IQGAP3: variants seen among roughly 807,000 people sequenced by gnomAD.
The protein encoded by IQGAP3 is IQ motif containing GTPase activating protein 3.
IQGAP3 carries 165 observed loss-of-function variants against 208.2 expected under a neutral mutation model. That is an observed-to-expected ratio of 0.79 (90% confidence interval 0.70 to 0.90). The LOEUF (loss-of-function observed/expected upper bound fraction) is 0.90, where lower values mean the gene tolerates loss of function less well. IQGAP3 is among the 40% of genes least tolerant of loss of function. IQGAP3 has a pLI of 0.00. For missense variants in IQGAP3, 1,811 were observed against 2,043.1 expected (o/e 0.89, Z 2.19); for synonymous variants, 703 against 803.6 (o/e 0.87, Z 2.12).
chr1:156,535,035 G>A (rs1674625153), intron 28 of IQGAP3, 128 bp downstream of exon 28: 2 of 776,250 alleles, frequency 2.6e-6, no homozygotes, highest in Admixed American at 3.9e-5. Context: ...TTTATAGGGG[G>A]CAGCATATTT....
intron 19 of IQGAP3, 140 bp downstream of exon 19, chr1:156,547,933 G>A: frequency 1.3e-6 from 1 of 755,448 alleles, no homozygotes; most frequent in South Asian, 2.0e-5. Flanking sequence ...ACATGGTCTG[G>A]CTCCAGAACC....
chr1:156,543,396 C>T (rs1675080044), intron 22 of IQGAP3, among the ~76,000 whole-genome samples: 1 of 152,200 alleles, frequency 6.6e-6, no homozygotes, highest in South Asian at 2.1e-4. Flanking sequence ...GGGCCTACTG[C>T]TTCAGGAACC....
chr1:156,552,230 G>A (rs977812042), intron 13 of IQGAP3, 135 bp from the exon 14 acceptor site: 6 of 1,115,654 alleles, frequency 5.4e-6, no homozygotes, highest in Non-Finnish European at 7.5e-6. Flanking sequence ...TTGCCTCACA[G>A]GCTATTCTTT....
intron 8 of IQGAP3, 36 bp from the exon 9 acceptor site, chr1:156,562,701 C>T (rs751484137): frequency 6.6e-7 from 1 of 1,523,370 alleles, no homozygotes; most frequent in South Asian, 1.1e-5. Flanking sequence ...CCTGGGAAAC[C>T]CAATTTAATC....
At chr1:156,552,882 T>C (rs1379046501) in intron 13 of IQGAP3, among the ~76,000 whole-genome samples, 1 of 152,220 alleles carries the variant, frequency 6.6e-6, no homozygotes, top group Non-Finnish European at 1.5e-5. Flanking sequence ...AAGACCAGCC[T>C]GGGCAACGTA....
In IQGAP3 at chr1:156,562,577, G is replaced by A; in HGVS notation, c.877+10C>T. On this transcript the variant is annotated intron_variant, in intron 9 of 37. Coordinates refer to ENST00000361170, the MANE Select transcript of IQGAP3 (RefSeq NM_178229.5). ...TCACCCCCAAACCACTCCTGCTCGA[G>A]GTCTCTTACCGTTGACATGGTTGAT... 1 of 1,611,996 alleles carries A rather than the reference G, an allele frequency of 6.2e-7. No homozygotes were observed. Among genetic ancestry groups the A allele is most frequent in the Non-Finnish European group, 8.5e-7 (1 of 1,178,078 alleles).
At chr1:156,566,572 C>G (rs373864766) in intron 2 of IQGAP3, 26 bp from the exon 3 acceptor site, 2 of 1,610,032 alleles carry the variant, frequency 1.2e-6, no homozygotes, top group South Asian at 2.2e-5. Context: ...CACCTTCTCA[C>G]GCACTCTGGC....
At chr1:156,545,550 A>G (rs1323745821) in intron 19 of IQGAP3, among the ~76,000 whole-genome samples, 1 of 144,314 alleles carries the variant, frequency 6.9e-6, no homozygotes, top group African/African-American at 2.7e-5. Flanking sequence ...CCCAGGTTGG[A>G]GTGCAGTGGT....
At chr1:156,553,278 G>C (rs1162359692) in intron 13 of IQGAP3, among the ~76,000 whole-genome samples, 1 of 152,108 alleles carries the variant, frequency 6.6e-6, no homozygotes, top group Non-Finnish European at 1.5e-5. Flanking sequence ...AGTCCTACGT[G>C]GTCTGGCCTC....
Position 156,548,759 on chromosome 1 carries a change from C to T in IQGAP3, c.1826-11G>A. The T allele has an allele frequency of 6.4e-7, 1 of 1,554,818 alleles. No individual in the cohort carries two copies. The highest frequency in any genetic ancestry group is 8.7e-7 in the Non-Finnish European group (1 of 1,149,448). On this transcript the variant is annotated splice_polypyrimidine_tract_variant and intron_variant, in intron 16 of 37. Coordinates refer to ENST00000361170, the MANE Select transcript of IQGAP3 (RefSeq NM_178229.5). ...CCACACCAAGAGCCACTGACAGGGG[C>T]ATCAGGAGAGAGCAGTCAATCCTTC...
chr1:156,566,329 C>T, intron 3 of IQGAP3, 61 bp downstream of exon 3: 2 of 1,534,644 alleles, frequency 1.3e-6, no homozygotes, highest in Non-Finnish European at 1.8e-6. Flanking sequence ...ACCCTCACAG[C>T]TTTGAGGAGA....
At chr1:156,568,633 C>T (rs1376388822) in intron 2 of IQGAP3, among the ~76,000 whole-genome samples, 1 of 152,226 alleles carries the variant, frequency 6.6e-6, no homozygotes, top group African/African-American at 2.4e-5. Context: ...AGCAATCCTC[C>T]TTCCTCAGCC....
At chr1:156,569,065 CA>C (rs1181413258) in intron 2 of IQGAP3, among the ~76,000 whole-genome samples, 1 of 151,614 alleles carries the variant, frequency 6.6e-6, no homozygotes, top group African/African-American at 2.4e-5. Context: ...TTAAGACAAG[CA>C]GGAAAATTTG....
chr1:156,534,083 C>T lies in IQGAP3; in HGVS notation c.3799G>A (p.Glu1267Lys), dbSNP rs763670878. 95 of 1,613,944 alleles carry T rather than the reference C, an allele frequency of 5.9e-5. No individual in the cohort carries two copies. The highest frequency in any genetic ancestry group is 7.6e-5 in the Non-Finnish European group (90 of 1,180,034). ...PEPEERFAVD[E>K]YSDMVAVAKP... Reference sequence around the variant, plus strand: ...GCCACAGCCACCATGTCTGAGTACTCGTCCACTGCAAAACGCTCCTCTGGC... The same window carrying T: ...GCCACAGCCACCATGTCTGAGTACTTGTCCACTGCAAAACGCTCCTCTGGC... Residue 1267 changes from glutamate to lysine, a missense_variant, in exon 30 of 38, where the codon GAG (glutamate) becomes AAG (lysine). Physicochemically the swap from Glu to Lys is moderately conservative, Grantham distance 56. Transcript: ENST00000361170.
rs1406024745 is a variant in IQGAP3, at chr1:156,551,983, C to T, written c.1561G>A (p.Glu521Lys). 7 of 1,613,906 alleles carry T rather than the reference C, an allele frequency of 4.3e-6. No individual in the cohort carries two copies. Among genetic ancestry groups the T allele is most frequent in the Non-Finnish European group, 5.9e-6 (7 of 1,179,942 alleles). ...TCCAGACTATACTTACGGTCAGTCT[C>T]TTCCTGGGTCTGTGCATTGACCTGG... is the stretch of plus-strand genomic sequence containing the variant. The part of the protein sequence containing the change: ...VSQVNAQTQE[E>K]TDRVLAVSLI... The change falls in exon 14 of 38, where the codon GAG becomes AAG. Residue 521 changes from glutamate (E) to lysine (K), a missense_variant. By Grantham distance (56) the Glu-to-Lys change is moderately conservative (BLOSUM62 1). Coordinates refer to ENST00000361170, the MANE Select transcript of IQGAP3 (RefSeq NM_178229.5).
intron 23 of IQGAP3, 60 bp from the exon 24 acceptor site, chr1:156,540,050 T>C: frequency 6.3e-7 from 1 of 1,595,024 alleles, no homozygotes; most frequent in Non-Finnish European, 8.6e-7. Flanking sequence ...GCACAGAACA[T>C]ACGGTCTAGA....
chr1:156,572,246 T>G (rs1676679114), intron 1 of IQGAP3, among the ~76,000 whole-genome samples: 1 of 152,232 alleles, frequency 6.6e-6, no homozygotes. Flanking sequence ...CCCCAGAACT[T>G]GGAAATAGGA....
Position 156,552,014 on chromosome 1 carries a change from G to C in IQGAP3, c.1530C>G (p.Thr510=). 1 of 1,614,150 alleles carries C rather than the reference G, an allele frequency of 6.2e-7. No individual in the cohort carries two copies. Among genetic ancestry groups the C allele is most frequent in the Non-Finnish European group, 8.5e-7 (1 of 1,180,024 alleles). The change falls in exon 14 of 38, where the codon ACC becomes ACG. Residue 510 remains threonine (T), a synonymous_variant. Transcript: ENST00000361170. The part of the protein sequence containing the change: ...DFLSWNDLQA[T]VSQVNAQTQE... ...GGGTCTGTGCATTGACCTGGCTCAC[G>C]GTGGCCTGCAGGTCATTCCAGCTCA... is the stretch of plus-strand genomic sequence containing the variant.
At position 156,544,422 on chromosome 1, in the gene IQGAP3, C is replaced by T. The variant is rs751258082; in HGVS notation, c.2355G>A (p.Gln785=). The T allele has an allele frequency of 1.9e-6, 3 of 1,614,144 alleles. No individual in the cohort carries two copies. Among genetic ancestry groups the T allele is most frequent in the South Asian group, 2.2e-5 (2 of 91,088 alleles). Residue 785 remains glutamine (Q), a synonymous_variant, in exon 20 of 38, where the codon CAG becomes CAA. Transcript: ENST00000361170. ...TGGCATCCAGGTTTGCTTTAAAATA[C>T]TGCAACCACTCCAGGTAAATCTTCC... ...RQRKIYLEWL[Q]YFKANLDAII...
Sources: allele counts gnomAD v4.1 joint callset (sites outside exome capture counted in the v4.1 genomes callset), GRCh38; gene constraint gnomAD v4.1.1; transcripts MANE v1.5; gene names NCBI Gene and HGNC (gene_info 2026-07-23, HGNC 2026-07-21).